Variants in MACROD2 observed in about 807,000 individuals in gnomAD.
MACROD2 encodes mono-ADP ribosylhydrolase 2.
In MACROD2, 36 loss-of-function variants were observed where a neutral mutation model predicts 70.4. The observed-to-expected ratio is 0.51, with a 90% CI of 0.39 to 0.68. The LOEUF (loss-of-function observed/expected upper bound fraction) is 0.68. MACROD2 is among the 30% of genes least tolerant of loss of function. MACROD2 has a pLI of 0.00. For synonymous variants in MACROD2, 172 were observed against 178.8 expected (o/e 0.96, Z 0.30); for missense variants, 496 against 538.4 (o/e 0.92, Z 0.78).
intron 4 of MACROD2, among the ~76,000 whole-genome samples, chr20:14,559,390 A>G (rs1310081145): frequency 1.3e-5 from 2 of 151,816 alleles, no homozygotes; most frequent in African/African-American, 2.4e-5. Context: ...AATACCTTAT[A>G]CATTTTAATC....
intron 8 of MACROD2, among the ~76,000 whole-genome samples, chr20:15,748,348 TTTCC>T (rs57148758): frequency 6.7e-5 from 10 of 148,988 alleles, no homozygotes; most frequent in South Asian, 2.1e-4. Context: ...AATTTTCCTC[TTTCC>T]TTCCTTCCTT....
At chr20:15,771,098 G>A (rs1401403888) in intron 8 of MACROD2, among the ~76,000 whole-genome samples, 1 of 152,150 alleles carries the variant, frequency 6.6e-6, no homozygotes, top group African/African-American at 2.4e-5. Flanking sequence ...CAGGAATGAA[G>A]CAAACAGCAG....
chr20:15,175,480 G>T (rs557686940), intron 5 of MACROD2, among the ~76,000 whole-genome samples: 9 of 152,202 alleles, frequency 5.9e-5, no homozygotes, highest in Admixed American at 5.2e-4. Flanking sequence ...CTTTTACAAT[G>T]AATATAGAAA....
At chr20:15,843,226 T>C (rs175816) in intron 8 of MACROD2, among the ~76,000 whole-genome samples, 20,519 of 152,214 alleles carry the variant, frequency 0.13, 1,664 homozygotes, top group South Asian at 0.27. Flanking sequence ...CATCACCATT[T>C]CCCTATTCTT....
At chr20:15,617,485 G>T (rs1258566135) in intron 8 of MACROD2, among the ~76,000 whole-genome samples, 3 of 152,162 alleles carry the variant, frequency 2.0e-5, no homozygotes, top group Admixed American at 6.5e-5. Context: ...GAAAGAAAAT[G>T]GTTGCCCTAT....
intron 5 of MACROD2, among the ~76,000 whole-genome samples, chr20:15,109,549 G>A (rs2075938622): frequency 6.6e-6 from 1 of 152,098 alleles, no homozygotes; most frequent in Non-Finnish European, 1.5e-5. Flanking sequence ...AAACAAAATG[G>A]GATATGTCAT....
intron 7 of MACROD2, among the ~76,000 whole-genome samples, chr20:15,493,453 T>G (rs2047256388): frequency 6.6e-6 from 1 of 152,224 alleles, no homozygotes; most frequent in Non-Finnish European, 1.5e-5. Context: ...TAGCCCCAAA[T>G]AGACTTTCAT....
chr20:15,913,559 C>A (rs979828386), intron 10 of MACROD2, among the ~76,000 whole-genome samples: 2 of 152,270 alleles, frequency 1.3e-5, no homozygotes, highest in East Asian at 1.9e-4. Context: ...ATTTAAAAAA[C>A]CAGTTTCCTG....
intron 8 of MACROD2, among the ~76,000 whole-genome samples, chr20:15,630,925 G>A (rs1333279543): frequency 1.3e-5 from 2 of 152,188 alleles, no homozygotes; most frequent in Non-Finnish European, 2.9e-5. Flanking sequence ...AGAACTTTAA[G>A]TTTACCCCAG....
chr20:14,380,399 A>G (rs1323118410), intron 3 of MACROD2, among the ~76,000 whole-genome samples: 2 of 152,086 alleles, frequency 1.3e-5, no homozygotes, highest in Non-Finnish European at 2.9e-5. Flanking sequence ...TTCGGTACAC[A>G]GAGTTTTTAA....
chr20:14,208,956 C>T (rs980067835), intron 3 of MACROD2, among the ~76,000 whole-genome samples: 2 of 152,090 alleles, frequency 1.3e-5, no homozygotes, highest in Non-Finnish European at 2.9e-5. Flanking sequence ...AGACAGTTTT[C>T]TCGTACTATG....
chr20:15,374,201 C>T (rs576577924), intron 6 of MACROD2, among the ~76,000 whole-genome samples: 29 of 151,666 alleles, frequency 1.9e-4, no homozygotes, highest in East Asian at 1.2e-3. Context: ...TATAGATATA[C>T]GCACATACAC....
chr20:14,001,220 T>C (rs2052729527), intron 1 of MACROD2, among the ~76,000 whole-genome samples: 1 of 152,200 alleles, frequency 6.6e-6, no homozygotes, highest in African/African-American at 2.4e-5. Flanking sequence ...TTCATTTCCC[T>C]ATCTGCAAAA....
At chr20:14,972,514 T>A (rs562304857) in intron 5 of MACROD2, among the ~76,000 whole-genome samples, 1 of 152,196 alleles carries the variant, frequency 6.6e-6, no homozygotes, top group Non-Finnish European at 1.5e-5. Flanking sequence ...ACATATATTT[T>A]ACATGCTACA....
intron 3 of MACROD2, chr20:14,327,298 AT>A (rs776832003): frequency 1.9e-6 from 3 of 1,613,780 alleles, no homozygotes; most frequent in Non-Finnish European, 2.5e-6. Flanking sequence ...AGCATTATTT[AT>A]TTGGTTGTTC....
chr20:14,639,810 A>ACACT (rs1984992667), intron 4 of MACROD2, among the ~76,000 whole-genome samples: 1 of 152,200 alleles, frequency 6.6e-6, no homozygotes, highest in Non-Finnish European at 1.5e-5. Flanking sequence ...TGACAAATCA[A>ACACT]CACTCACATA....
chr20:15,142,058 T>A (rs1232335024), intron 5 of MACROD2, among the ~76,000 whole-genome samples: 1 of 152,206 alleles, frequency 6.6e-6, no homozygotes, highest in Non-Finnish European at 1.5e-5. Flanking sequence ...ATTTTTATCA[T>A]TTGAGCATAA....
chr20:14,389,716 A>C (rs2083507405), intron 3 of MACROD2, among the ~76,000 whole-genome samples: 2 of 152,182 alleles, frequency 1.3e-5, no homozygotes, highest in African/African-American at 4.8e-5. Context: ...CACCATGTAC[A>C]ATCTATTAGT....
intron 8 of MACROD2, among the ~76,000 whole-genome samples, chr20:15,852,383 G>A (rs768037251): frequency 6.6e-6 from 1 of 152,162 alleles, no homozygotes; most frequent in Non-Finnish European, 1.5e-5. Flanking sequence ...CAAAATAAAG[G>A]ATCCTTTTTA....
Sources: allele counts gnomAD v4.1 joint callset (sites outside exome capture counted in the v4.1 genomes callset), GRCh38; gene constraint gnomAD v4.1.1; transcripts MANE v1.5; gene names NCBI Gene and HGNC (gene_info 2026-07-23, HGNC 2026-07-21).